SH3KBP1: variants seen among roughly 807,000 people sequenced by gnomAD.
SH3KBP1 encodes the protein SH3 domain containing kinase binding protein 1, also known as SH3 domain-containing kinase-binding protein 1.
Under a neutral mutation model 50.1 loss-of-function variants are expected in SH3KBP1, and 8 were observed. The ratio of observed to expected loss-of-function variants is 0.16; its 90% CI spans 0.09 to 0.29. The LOEUF is 0.29. SH3KBP1 is among the 10% of genes least tolerant of loss of function. The pLI is 1.00. For missense variants in SH3KBP1, 377 were observed against 535.2 expected, an observed-to-expected ratio of 0.70 and a Z score of 2.92; for synonymous variants, 227 against 218.6, an observed-to-expected ratio of 1.04 and a Z score of -0.34.
At position 19,631,939 on chromosome X, in the gene SH3KBP1, T is replaced by C; in HGVS notation, c.822A>G (p.Val274=). ...CATTCTGTGCCTCATATGGAAATAT[T>C]ACTTTGCAGTAATCCTTGCCTATAA... ...SRTKSKDYCK[V]IFPYEAQNDD... is the part of the protein sequence containing the mutation. Residue 274 remains valine, a synonymous_variant, in exon 8 of 18, where the codon GTA becomes GTG. Coordinates refer to ENST00000397821, the MANE Select transcript of SH3KBP1 (RefSeq NM_031892.3). 8.5e-7 allele frequency: 1 copy of C among 1,181,168 alleles called. No individual in the cohort carries two copies. Among genetic ancestry groups the C allele is most frequent in the African/African-American group, 1.7e-5 (1 of 57,217 alleles).
At chrX:19,593,554 T>C (rs1569320499) in intron 10 of SH3KBP1, among the ~76,000 whole-genome samples, 1 of 111,278 alleles carries the variant, frequency 9.0e-6, no homozygotes, top group Non-Finnish European at 1.9e-5. Context: ...AAACATTAAA[T>C]GCCATCCTGC....
intron 1 of SH3KBP1, among the ~76,000 whole-genome samples, chrX:19,839,920 C>T (rs925291170): frequency 4.5e-5 from 5 of 112,181 alleles, no homozygotes; most frequent in African/African-American, 1.6e-4. Flanking sequence ...GATGATAGAC[C>T]GTTCCCAGCC....
intron 3 of SH3KBP1, among the ~76,000 whole-genome samples, chrX:19,719,905 C>A (rs774478808): frequency 1.9e-5 from 2 of 107,166 alleles, no homozygotes; most frequent in South Asian, 8.2e-4. Flanking sequence ...TAATAGAGAA[C>A]CCTGAGTTAA....
intron 7 of SH3KBP1, among the ~76,000 whole-genome samples, chrX:19,635,047 A>G (rs1040201678): frequency 9.0e-6 from 1 of 111,337 alleles, no homozygotes; most frequent in South Asian, 3.8e-4. Flanking sequence ...CACAGGCACT[A>G]TCACCCAGAA....
chrX:19,686,501 C>T (rs1302823742), intron 5 of SH3KBP1, among the ~76,000 whole-genome samples: 2 of 110,782 alleles, frequency 1.8e-5, no homozygotes, highest in East Asian at 2.8e-4. Context: ...GTGTCTGGGG[C>T]GATGCTTTAG....
chrX:19,702,445 A>G (rs1448853621), intron 4 of SH3KBP1, among the ~76,000 whole-genome samples: 2 of 111,746 alleles, frequency 1.8e-5, no homozygotes, highest in Non-Finnish European at 3.8e-5. Context: ...CCACAAAACC[A>G]GGTTAGGCTT....
intron 2 of SH3KBP1, among the ~76,000 whole-genome samples, chrX:19,796,051 G>T (rs1380763742): frequency 8.9e-6 from 1 of 111,790 alleles, no homozygotes; most frequent in Non-Finnish European, 1.9e-5. Flanking sequence ...AGCATCTGTT[G>T]AATGGAATGG....
At chrX:19,689,153 G>A (rs1331181104) in intron 5 of SH3KBP1, among the ~76,000 whole-genome samples, 4 of 112,455 alleles carry the variant, frequency 3.6e-5, no homozygotes, top group Non-Finnish European at 7.5e-5. Flanking sequence ...ATCACTGGCT[G>A]TGTAAGAATA....
intron 1 of SH3KBP1, among the ~76,000 whole-genome samples, chrX:19,842,703 G>A (rs990152723): frequency 1.8e-5 from 2 of 111,071 alleles, no homozygotes; most frequent in African/African-American, 6.6e-5. Context: ...ATAGTTTGAT[G>A]GGACTGTCCA....
chrX:19,797,644 C>T (rs2066757172), intron 2 of SH3KBP1, among the ~76,000 whole-genome samples: 1 of 111,352 alleles, frequency 9.0e-6, no homozygotes, highest in Non-Finnish European at 1.9e-5. Flanking sequence ...CAATGTCTCT[C>T]CGTAATCAGT....
At chrX:19,633,075 C>A (rs1014892269) in intron 7 of SH3KBP1, among the ~76,000 whole-genome samples, 1 of 111,384 alleles carries the variant, frequency 9.0e-6, no homozygotes, top group African/African-American at 3.3e-5. Flanking sequence ...GTTAACATCC[C>A]AACAACCAGA....
At chrX:19,864,633 G>C (rs778963271) in intron 1 of SH3KBP1, among the ~76,000 whole-genome samples, 1 of 111,904 alleles carries the variant, frequency 8.9e-6, no homozygotes, top group East Asian at 2.8e-4. Context: ...TTTCCTTAGA[G>C]TTTCCAAAAA....
At chrX:19,886,738 G>C (rs924609469) in intron 1 of SH3KBP1, among the ~76,000 whole-genome samples, 7 of 110,904 alleles carry the variant, frequency 6.3e-5, no homozygotes, top group Middle Eastern at 4.7e-3. Context: ...GGCGCAAGGA[G>C]AGGAGCGTCA....
intron 2 of SH3KBP1, among the ~76,000 whole-genome samples, chrX:19,772,504 C>T (rs1158619837): frequency 1.8e-5 from 2 of 110,253 alleles, no homozygotes; most frequent in African/African-American, 3.3e-5. Flanking sequence ...GAAGAAAATT[C>T]GAGGCCTAAT....
chrX:19,643,230 A>T (rs2061903403), intron 7 of SH3KBP1, among the ~76,000 whole-genome samples: 1 of 108,785 alleles, frequency 9.2e-6, no homozygotes, highest in Admixed American at 9.8e-5. Context: ...AATGGAAATC[A>T]TGGAAGAACA....
intron 6 of SH3KBP1, among the ~76,000 whole-genome samples, chrX:19,678,895 A>G (rs2062987558): frequency 9.0e-6 from 1 of 111,647 alleles, no homozygotes. Flanking sequence ...GATCAAGTCC[A>G]ACTCCCTAAC....
intron 3 of SH3KBP1, among the ~76,000 whole-genome samples, chrX:19,737,530 T>G (rs918501694): frequency 8.9e-6 from 1 of 111,732 alleles, no homozygotes; most frequent in African/African-American, 3.3e-5. Context: ...TTATAAACGT[T>G]CAGTGTTTTA....
At chrX:19,570,978 C>A (rs769244968) in intron 12 of SH3KBP1, among the ~76,000 whole-genome samples, 4 of 111,316 alleles carry the variant, frequency 3.6e-5, no homozygotes, top group African/African-American at 1.3e-4. Context: ...TGTTTGTGGG[C>A]GCATTTGGCA....
chrX:19,595,286 C>T (rs7876257), intron 9 of SH3KBP1, among the ~76,000 whole-genome samples: 15,512 of 112,116 alleles, frequency 0.14, 851 homozygotes, highest in Non-Finnish European at 0.14. Context: ...GCAAAAATGG[C>T]CTGAAACCAG....
Sources: allele counts gnomAD v4.1 joint callset (sites outside exome capture counted in the v4.1 genomes callset), GRCh38; gene constraint gnomAD v4.1.1; transcripts MANE v1.5; gene names NCBI Gene and HGNC (gene_info 2026-07-23, HGNC 2026-07-21).